Variants in TGIF1 observed in about 807,000 individuals in gnomAD.
TGIF1 encodes the protein TGFB induced factor homeobox 1, also known as homeobox protein TGIF1.
Under a neutral mutation model 19.3 loss-of-function variants are expected in TGIF1, and 4 were observed. That is an observed-to-expected ratio of 0.21 (90% confidence interval 0.10 to 0.47). The LOEUF is 0.47. Among genes scored for constraint, TGIF1 ranks in the 20% least tolerant of loss-of-function variants. The pLI, the probability that TGIF1 is intolerant of heterozygous loss-of-function variation, is 0.98. For missense variants in TGIF1, 275 were observed against 341.4 expected, an observed-to-expected ratio of 0.81 and a Z score of 1.53; for synonymous variants, 122 against 129.3, an observed-to-expected ratio of 0.94 and a Z score of 0.38.
chr18:3,450,978 C>A (rs866747327), intron 1 of TGIF1, among the ~76,000 whole-genome samples: 45 of 150,262 alleles, frequency 3.0e-4, no homozygotes, highest in Middle Eastern at 7.0e-3. Flanking sequence ...CCCGCCCCCG[C>A]CCCCGCCGCC....
chr18:3,437,963 A>G (rs959610497), intron 2 of TGIF1, among the ~76,000 whole-genome samples: 2 of 152,120 alleles, frequency 1.3e-5, no homozygotes, highest in Non-Finnish European at 2.9e-5. Flanking sequence ...GCACGCTTGT[A>G]ATCCCAGCCA....
chr18:3,438,596 A>AAC (rs56864804), intron 2 of TGIF1, among the ~76,000 whole-genome samples: 3,742 of 136,060 alleles, frequency 0.028, 131 homozygotes, highest in African/African-American at 0.074. Flanking sequence ...CATACACACA[A>AAC]ACACACACAC....
chr18:3,449,231 C>G (rs1037557132), upstream of TGIF1, among the ~76,000 whole-genome samples: 6 of 152,186 alleles, frequency 3.9e-5, no homozygotes, highest in East Asian at 1.2e-3. Flanking sequence ...GAGGAGGGAT[C>G]CCCTAGCAGG....
At chr18:3,443,720 A>G (rs1598882165) in intron 2 of TGIF1, among the ~76,000 whole-genome samples, 1 of 152,084 alleles carries the variant, frequency 6.6e-6, no homozygotes, top group African/African-American at 2.4e-5. Flanking sequence ...TGAATTCACC[A>G]TGGGGTTTCA....
Position 3,422,783 on chromosome 18 carries a change from T to C in TGIF1, c.-45+4568T>C, listed in dbSNP as rs949031797. Among the ~76,000 whole-genome samples, 25 of 140,612 alleles carry C rather than the reference T, an allele frequency of 1.8e-4. 1 individual carries two copies. The highest frequency in any genetic ancestry group is 1.0e-3 in the South Asian group (4 of 3,938). 92.2% of individuals were successfully genotyped at this position (140,612 alleles called of 152,430 possible). On this transcript the variant is annotated intron_variant, in intron 2 of 3. Transcript: ENST00000401449. ...TCCGCTCACTGCAAGCTCCACCTCC[T>C]GGGTTCACACCATTCTCCTGCCTCA...
At chr18:3,436,603 G>A (rs2082617177) in intron 2 of TGIF1, among the ~76,000 whole-genome samples, 1 of 151,356 alleles carries the variant, frequency 6.6e-6, no homozygotes, top group Non-Finnish European at 1.5e-5. Flanking sequence ...TGGATCACCT[G>A]AGGTCAGGAG....
Position 3,456,427 on chromosome 18 carries a change from C to T in TGIF1, c.90C>T (p.Ser30=), listed in dbSNP as rs760906198. ...SMDIPLDLSS[S]AGSGKRRRRG... is the part of the protein sequence containing the mutation. Reference sequence around the variant, plus strand: ...ACATTCCCTTGGACCTTTCTTCATCCGCTGGCTCAGGCAAGAGAAGGAGAA... The same window carrying T: ...ACATTCCCTTGGACCTTTCTTCATCTGCTGGCTCAGGCAAGAGAAGGAGAA... The change falls in exon 2 of 3, where the codon TCC becomes TCT. Residue 30 remains serine, a synonymous_variant. Coordinates refer to ENST00000343820, the MANE Select transcript of TGIF1 (RefSeq NM_003244.4). The surrounding 1 kb of genome is among the most constrained non-coding windows in gnomAD (Gnocchi z 4.2). 2.5e-5 allele frequency: 41 copies of T among 1,614,078 alleles called. No individual in the cohort carries two copies. Among genetic ancestry groups the T allele is most frequent in the Non-Finnish European group, 3.2e-5 (38 of 1,180,040 alleles).
chr18:3,448,844 CAG>C (rs973637859), upstream of TGIF1, among the ~76,000 whole-genome samples: 5 of 150,642 alleles, frequency 3.3e-5, no homozygotes, highest in East Asian at 1.9e-4. Flanking sequence ...CTTATTTCCA[CAG>C]AGTTTCTTCT....
chr18:3,457,976 T>A lies in TGIF1; in HGVS notation c.*36T>A. 1 of 1,582,858 alleles carries A rather than the reference T, an allele frequency of 6.3e-7. No homozygotes were observed. The highest frequency in any genetic ancestry group is 8.6e-7 in the Non-Finnish European group (1 of 1,164,656). On this transcript the variant is annotated 3_prime_UTR_variant, in exon 3 of 3. Coordinates refer to ENST00000343820, the MANE Select transcript of TGIF1 (RefSeq NM_003244.4). The surrounding 1 kb of genome is among the most constrained non-coding windows in gnomAD (Gnocchi z 4.9). ...AGCAAAACAGTTCTCAGAAATGTCA[T>A]GATTGCCGGGGTGAAGGCAAGAGAT...
At chr18:3,450,603 C>T in intron 1 of TGIF1, 98 bp downstream of exon 1, 3 of 1,545,506 alleles carry the variant, frequency 1.9e-6, no homozygotes, top group Non-Finnish European at 2.6e-6. Flanking sequence ...GACTTTTCCG[C>T]CCAGGGGCTC....
intron 1 of TGIF1, among the ~76,000 whole-genome samples, chr18:3,413,727 A>T (rs1409096958): frequency 6.6e-6 from 1 of 151,978 alleles, no homozygotes; most frequent in Non-Finnish European, 1.5e-5. Context: ...ATTAAAAAAA[A>T]ATTTTTTTCT....
At chr18:3,428,533 C>T (rs1328495368) in intron 2 of TGIF1, among the ~76,000 whole-genome samples, 9 of 151,582 alleles carry the variant, frequency 5.9e-5, no homozygotes, top group Admixed American at 2.6e-4. Flanking sequence ...GTCGGGAGAT[C>T]GACACCATCC....
chr18:3,452,208 TCCTCCTGCGCCCCC>T, intron 1 of TGIF1: 1 of 1,596,600 alleles, frequency 6.3e-7, no homozygotes, highest in Non-Finnish European at 8.5e-7. Flanking sequence ...GCTCCTGGGG[TCCTCCTGCGCCCCC>T]CCTCCTCCAC....
chr18:3,427,265 C>G (rs12457600), intron 2 of TGIF1, among the ~76,000 whole-genome samples: 1 of 150,652 alleles, frequency 6.6e-6, no homozygotes, highest in Admixed American at 6.6e-5. Flanking sequence ...TAAACTGATA[C>G]GGAGTGATTT....
chr18:3,456,907 C>A lies in TGIF1; in HGVS notation c.243+327C>A. On this transcript the variant is annotated intron_variant, in intron 2 of 2. Transcript: ENST00000343820. The surrounding 1 kb of genome is among the most constrained non-coding windows in gnomAD (Gnocchi z 4.2). ...CAAGGACGACTTCAGTGAGGTAATT[C>A]ATGTTATGTCTGTTGACACAGTCAT... The A allele has an allele frequency of 1.7e-6, 1 of 598,386 alleles. No individual in the cohort carries two copies. Among genetic ancestry groups the A allele is most frequent in the Non-Finnish European group, 2.9e-6 (1 of 339,036 alleles). The allele number at this position is 598,386 out of a possible 1,614,324, so 37.1% of individuals were successfully genotyped here. A position where few individuals can be genotyped will look rare whatever the true frequency, so the allele number is the denominator to read the frequency against.
At chr18:3,415,243 C>T (rs907513621) in intron 1 of TGIF1, 5 of 254,296 alleles carry the variant, frequency 2.0e-5, no homozygotes, top group African/African-American at 1.1e-4. Flanking sequence ...TCGATGCTGC[C>T]TGGCCCCTGT....
intron 2 of TGIF1, among the ~76,000 whole-genome samples, chr18:3,430,725 T>A (rs2082536417): frequency 6.6e-6 from 1 of 151,260 alleles, no homozygotes; most frequent in East Asian, 2.0e-4. Flanking sequence ...TTGCCCAGGC[T>A]GTTATCAAAC....
intron 2 of TGIF1, among the ~76,000 whole-genome samples, chr18:3,430,659 C>T (rs891195975): frequency 2.6e-5 from 4 of 151,536 alleles, no homozygotes; most frequent in African/African-American, 9.7e-5. Flanking sequence ...CCCATGCCAC[C>T]ACACCCGGCT....
upstream of TGIF1, chr18:3,449,538 T>TGGCCCCCC: frequency 1.4e-4 from 139 of 961,838 alleles, no homozygotes; most frequent in Non-Finnish European, 1.6e-4. Context: ...GTCTCATCAT[T>TGGCCCCCC]CCCCCCCGCC....
Sources: gnomAD v4.1 joint callset for allele counts (sites outside exome capture counted in the v4.1 genomes callset) on GRCh38, gnomAD v4.1.1 for gene constraint, Gnocchi (gnomAD v3.1) non-coding constraint, MANE v1.5 for transcripts, NCBI Gene and HGNC (gene_info 2026-07-23, HGNC 2026-07-21) for gene names.